The following LARS1 variants were observed in gnomAD, a reference collection of about 807,000 sequenced individuals.
LARS1 encodes the protein leucine--tRNA ligase, cytoplasmic.
In LARS1, 100 loss-of-function variants were observed where a neutral mutation model predicts 162.8. The ratio of observed to expected loss-of-function variants is 0.61; its 90% CI spans 0.52 to 0.73. The LOEUF (loss-of-function observed/expected upper bound fraction) is 0.73. Ranked by LOEUF, LARS1 falls within the 30% of genes least tolerant of loss-of-function variation. The pLI, the probability that LARS1 is intolerant of heterozygous loss-of-function variation, is 0.00. For synonymous variants in LARS1, 457 were observed against 462.8 expected (o/e 0.99, Z 0.16); for missense variants, 1,258 against 1,408.9 (o/e 0.89, Z 1.71).
intron 31 of LARS1, among the ~76,000 whole-genome samples, chr5:146,117,154 G>C (rs955544025): frequency 1.3e-5 from 2 of 151,998 alleles, no homozygotes; most frequent in African/African-American, 4.8e-5. Context: ...TATGCCAAAG[G>C]CTCAATGAGA....
At chr5:146,146,147 C>A (rs1339374419) in intron 15 of LARS1, among the ~76,000 whole-genome samples, 2 of 152,060 alleles carry the variant, frequency 1.3e-5, no homozygotes, top group Non-Finnish European at 2.9e-5. Flanking sequence ...TCAAGACCAG[C>A]CTGTCCAACA....
chr5:146,173,618 C>G (rs1202634447), intron 2 of LARS1, among the ~76,000 whole-genome samples: 2 of 151,188 alleles, frequency 1.3e-5, no homozygotes, highest in Non-Finnish European at 2.9e-5. Flanking sequence ...AGCATGAGCT[C>G]ATGAGCCACC....
Position 146,113,975 on chromosome 5 carries a change from G to T in LARS1, c.*131C>A. 1 of 713,680 alleles carries T rather than the reference G, an allele frequency of 1.4e-6. No individual in the cohort carries two copies. Among genetic ancestry groups the T allele is most frequent in the Non-Finnish European group, 2.4e-6 (1 of 411,648 alleles). The allele number at this position is 713,680 out of a possible 1,614,324, so 44.2% of individuals were successfully genotyped here. A position where few individuals can be genotyped will look rare whatever the true frequency, so the allele number is the denominator to read the frequency against. On this transcript the variant is annotated 3_prime_UTR_variant, in exon 32 of 32. Coordinates refer to ENST00000394434, the MANE Select transcript of LARS1 (RefSeq NM_020117.11). The stretch of plus-strand genomic sequence containing the variant: ...TGACTTGATAGAATTATGAATACAT[G>T]CAGAATTGGATGGTTAGAAATGAAA...
Position 146,138,215 on chromosome 5 carries a change from G to A in LARS1, c.2148+1989C>T, listed in dbSNP as rs148194591. ...TGCTTATGTATACAAAGCAAAGAAC[G>A]ACCATGACTCCTGGCAGCAAACCAA... On this transcript the variant is annotated intron_variant, in intron 21 of 31. Transcript: ENST00000394434. 1.8e-3 allele frequency: 337 copies of A among 184,496 alleles called. 3 individuals are homozygous for A. Among genetic ancestry groups the A allele is most frequent in the African/African-American group, 7.8e-3 (326 of 41,858 alleles). 11.4% of individuals were successfully genotyped at this position (184,496 alleles called of 1,614,324 possible). A position where few individuals can be genotyped will look rare whatever the true frequency, so the allele number is the denominator to read the frequency against.
In LARS1 at chr5:146,159,396, C is replaced by A. The variant is rs752004800; in HGVS notation, c.771+11G>T. 3 of 1,601,670 alleles carry A rather than the reference C, an allele frequency of 1.9e-6. No individual in the cohort carries two copies. Among genetic ancestry groups the A allele is most frequent in the Non-Finnish European group, 1.7e-6 (2 of 1,169,204 alleles). ...TTATTATAATAGCTACTCTGTCTCA[C>A]AAATAATCACCTCTCCAGTTTGTCT... On this transcript the variant is annotated intron_variant, in intron 8 of 31. Transcript: ENST00000394434.
rs1290772150 is a variant in LARS1 at position 146,157,463 on chromosome 5, T to A, written c.1005A>T (p.Ser335=). The change falls in exon 10 of 32, where the codon TCA becomes TCT. Residue 335 remains serine (S), a synonymous_variant. Transcript: ENST00000394434. ...CATTGTCTTTGGTAAAGCCCTGGTATGACATATTCCTGGCTGCTTTTTGGG... is the reference window on the plus strand; with the variant it reads ...CATTGTCTTTGGTAAAGCCCTGGTAAGACATATTCCTGGCTGCTTTTTGGG... The part of the protein sequence containing the change: ...ICTQKAARNM[S]YQGFTKDNGV... 1 of 1,614,112 alleles carries A rather than the reference T, an allele frequency of 6.2e-7. No individual in the cohort carries two copies. Among genetic ancestry groups the A allele is most frequent in the Non-Finnish European group, 8.5e-7 (1 of 1,180,050 alleles).
chr5:146,175,823 G>A (rs867581483), intron 2 of LARS1, among the ~76,000 whole-genome samples: 4 of 148,722 alleles, frequency 2.7e-5, no homozygotes, highest in Admixed American at 6.7e-5. Flanking sequence ...GCAAGACTCC[G>A]TCTCAAAAAA....
At chr5:146,176,561 A>G (rs565289920) in intron 2 of LARS1, among the ~76,000 whole-genome samples, 2 of 152,254 alleles carry the variant, frequency 1.3e-5, no homozygotes, top group South Asian at 2.1e-4. Context: ...ATGTTAACTT[A>G]CTATTATTGT....
rs148951288 is a variant in LARS1, at chr5:146,140,222, G to A, written c.2130C>T (p.Leu710=). The change falls in exon 21 of 32, where the codon CTC becomes CTT. Residue 710 remains leucine (L), a synonymous_variant. Coordinates refer to ENST00000394434, the MANE Select transcript of LARS1 (RefSeq NM_020117.11). ...GCCTTACCTTCTCAGAGTTCAGGAGGAGATGTCCATTTGCTCTCACAGCTG... is the reference window on the plus strand; with the variant it reads ...GCCTTACCTTCTCAGAGTTCAGGAGAAGATGTCCATTTGCTCTCACAGCTG... ...WPTAVRANGH[L]LLNSEKMSKS... 3.7e-6 allele frequency: 6 copies of A among 1,611,648 alleles called. No individual in the cohort carries two copies. The African/African-American group carries it at 6.7e-5, about 18-fold the overall frequency.
chr5:146,129,365 T>C (rs1046083974), intron 25 of LARS1, among the ~76,000 whole-genome samples: 1 of 152,176 alleles, frequency 6.6e-6, no homozygotes, highest in Non-Finnish European at 1.5e-5. Flanking sequence ...CCCACACACA[T>C]ATGCTCACTT....
At chr5:146,148,022 T>C (rs889803093) in intron 15 of LARS1, among the ~76,000 whole-genome samples, 1 of 152,214 alleles carries the variant, frequency 6.6e-6, no homozygotes, top group African/African-American at 2.4e-5. Context: ...GGTAATACCT[T>C]CAGGTTTTTA....
chr5:146,129,909 G>T, intron 25 of LARS1, 109 bp downstream of exon 25: 2 of 1,133,112 alleles, frequency 1.8e-6, no homozygotes, highest in Non-Finnish European at 2.5e-6. Flanking sequence ...CATTACTCTT[G>T]AATTACTCAC....
intron 10 of LARS1, among the ~76,000 whole-genome samples, chr5:146,156,700 A>T (rs934685461): frequency 6.6e-6 from 1 of 152,096 alleles, no homozygotes; most frequent in Non-Finnish European, 1.5e-5. Context: ...CTACAAAAAA[A>T]AAAATAAAAA....
At chr5:146,181,005 C>G (rs1754809086) in intron 1 of LARS1, 2 of 152,232 alleles carry the variant, frequency 1.3e-5, no homozygotes, top group Non-Finnish European at 2.9e-5. Flanking sequence ...ATAGGTTGCT[C>G]TCTTACCTCG....
intron 3 of LARS1, among the ~76,000 whole-genome samples, chr5:146,172,359 T>C (rs1015089122): frequency 2.6e-5 from 4 of 151,792 alleles, no homozygotes; most frequent in African/African-American, 9.7e-5. Flanking sequence ...CTACTAAAAA[T>C]ACAAAAATTA....
intron 18 of LARS1, among the ~76,000 whole-genome samples, chr5:146,144,041 C>G (rs139368166): frequency 3.5e-4 from 54 of 152,164 alleles, no homozygotes; most frequent in Admixed American, 3.0e-3. Context: ...AGCTTGGAGT[C>G]TCTCCATAAA....
At chr5:146,160,877 A>T (rs191478787) in intron 6 of LARS1, among the ~76,000 whole-genome samples, 207 of 152,264 alleles carry the variant, frequency 1.4e-3, no homozygotes, top group Admixed American at 2.3e-3. Context: ...TTGTTATGAG[A>T]CCCATAGGCA....
At chr5:146,143,682 TAATAAA>T in intron 18 of LARS1, 132 bp from the exon 19 acceptor site, 1 of 820,098 alleles carries the variant, frequency 1.2e-6, no homozygotes, top group Middle Eastern at 3.7e-4. Flanking sequence ...CTTGAATAAT[TAATAAA>T]AATAAAATTG....
chr5:146,168,638 T>C (rs912551656), intron 4 of LARS1, among the ~76,000 whole-genome samples: 1 of 151,980 alleles, frequency 6.6e-6, no homozygotes. Flanking sequence ...TGAGCCGAGA[T>C]CACATCACTG....
Sources: allele counts gnomAD v4.1 joint callset (sites outside exome capture counted in the v4.1 genomes callset), GRCh38; gene constraint gnomAD v4.1.1; transcripts MANE v1.5; gene names NCBI Gene and HGNC (gene_info 2026-07-23, HGNC 2026-07-21).